Variants in SRGAP2C observed in about 807,000 individuals in gnomAD.
SRGAP2C encodes SLIT-ROBO Rho GTPase-activating protein 2C.
Under a neutral mutation model 25.1 loss-of-function variants are expected in SRGAP2C, and 15 were observed. That is an observed-to-expected ratio of 0.60 (90% CI 0.40 to 0.92). The LOEUF (loss-of-function observed/expected upper bound fraction) is 0.92. Ranked by LOEUF, SRGAP2C falls within the 40% of genes least tolerant of loss-of-function variation. The pLI, the probability that SRGAP2C is intolerant of heterozygous loss-of-function variation, is 0.00. For missense variants in SRGAP2C, 144 were observed against 264.4 expected (o/e 0.54, Z 3.16); for synonymous variants, 44 against 96.6 (o/e 0.46, Z 3.19).
intron 2 of SRGAP2C, among the ~76,000 whole-genome samples, chr1:121,196,908 G>A (rs1370262906): frequency 6.7e-6 from 1 of 149,778 alleles, no homozygotes; most frequent in African/African-American, 2.5e-5. Flanking sequence ...TCTTGACACT[G>A]TATCTTGCAC....
At chr1:121,266,197 A>T (rs1226037958) in intron 2 of SRGAP2C, among the ~76,000 whole-genome samples, 2 of 149,356 alleles carry the variant, frequency 1.3e-5, no homozygotes, top group Non-Finnish European at 3.0e-5. Context: ...CTGGTCTGGA[A>T]CTCCTGACTT....
chr1:121,224,126 C>A (rs1655607451), intron 2 of SRGAP2C, among the ~76,000 whole-genome samples: 1 of 149,670 alleles, frequency 6.7e-6, no homozygotes, highest in Non-Finnish European at 1.5e-5. Flanking sequence ...CGTGCATCAT[C>A]TCACTGGTGA....
intron 2 of SRGAP2C, among the ~76,000 whole-genome samples, chr1:121,265,732 T>TG (rs1365180830): frequency 6.6e-6 from 1 of 151,052 alleles, no homozygotes; most frequent in Non-Finnish European, 1.5e-5. Context: ...CTTGTAGCTA[T>TG]GGAATGCCTT....
At chr1:121,206,194 C>A (rs1255366844) in intron 2 of SRGAP2C, among the ~76,000 whole-genome samples, 1 of 151,924 alleles carries the variant, frequency 6.6e-6, no homozygotes, top group Non-Finnish European at 1.5e-5. Flanking sequence ...ACCCTCACCC[C>A]CACCCCCATG....
chr1:121,190,107 C>T (rs1234253591), intron 2 of SRGAP2C, among the ~76,000 whole-genome samples: 4 of 152,132 alleles, frequency 2.6e-5, no homozygotes, highest in African/African-American at 9.7e-5. Flanking sequence ...CTCTATGGAA[C>T]AGCACAGAAT....
chr1:121,335,945 T>C (rs1359402300), intron 4 of SRGAP2C, among the ~76,000 whole-genome samples: 1 of 151,994 alleles, frequency 6.6e-6, no homozygotes, highest in Non-Finnish European at 1.5e-5. Flanking sequence ...TAGGAGGCTA[T>C]TAAATTACTG....
intron 2 of SRGAP2C, among the ~76,000 whole-genome samples, chr1:121,236,647 C>A (rs1471270391): frequency 6.6e-6 from 1 of 152,040 alleles, no homozygotes; most frequent in African/African-American, 2.4e-5. Context: ...TCTAAAGAAT[C>A]CAGTTCAGGA....
intron 2 of SRGAP2C, among the ~76,000 whole-genome samples, chr1:121,208,137 C>A (rs1381296814): frequency 6.6e-6 from 1 of 152,156 alleles, no homozygotes; most frequent in Non-Finnish European, 1.5e-5. Context: ...AATTACATAA[C>A]CCAAACAAAT....
rs587653845 is a variant in SRGAP2C at position 121,238,265 on chromosome 1, G to A, written c.68-46538G>A. Among the ~76,000 whole-genome samples the A allele has an allele frequency of 1.9e-3, 292 of 151,588 alleles. 1 individual carries two copies. Among genetic ancestry groups the A allele is most frequent in the Non-Finnish European group, 3.8e-3 (258 of 67,942 alleles). Reference sequence around the variant, plus strand: ...CTTCCAAAGAAAAGAAAGGAAGAGTGTTGTGTAAAATCTTGCTTCCTTGCC... The same window carrying A: ...CTTCCAAAGAAAAGAAAGGAAGAGTATTGTGTAAAATCTTGCTTCCTTGCC... On this transcript the variant is annotated intron_variant, in intron 2 of 9. Transcript: ENST00000367123.
At chr1:121,363,748 A>G (rs1400566365) in intron 4 of SRGAP2C, among the ~76,000 whole-genome samples, 1 of 152,124 alleles carries the variant, frequency 6.6e-6, no homozygotes, top group Admixed American at 6.6e-5. Context: ...TAGAACAATA[A>G]TACATGTGGA....
chr1:121,375,802 C>G (rs1369065471), intron 7 of SRGAP2C, among the ~76,000 whole-genome samples: 1 of 151,740 alleles, frequency 6.6e-6, no homozygotes. Flanking sequence ...ATTGCTGTCT[C>G]CAGTTGCTAG....
rs1225426949 is a variant in SRGAP2C, at chr1:121,366,247, A to G, written c.486+892A>G. 6.1e-5 allele frequency among the ~76,000 whole-genome samples: 9 copies of G among 148,532 alleles called. No homozygotes were observed. In the Admixed American group the frequency reaches 6.1e-4, roughly 10 times the overall value. ...AAGGTGATACTGATTTCTGATGTTTACTTGCTTATTTGCTGCGTTTTTTCT... is the reference window on the plus strand; with the variant it reads ...AAGGTGATACTGATTTCTGATGTTTGCTTGCTTATTTGCTGCGTTTTTTCT... On this transcript the variant is annotated intron_variant, in intron 5 of 9. Coordinates refer to ENST00000367123, the MANE Select transcript of SRGAP2C (RefSeq NM_001329984.2).
intron 4 of SRGAP2C, among the ~76,000 whole-genome samples, chr1:121,350,137 C>A (rs1658865457): frequency 6.6e-6 from 1 of 151,706 alleles, no homozygotes; most frequent in Non-Finnish European, 1.5e-5. Context: ...GGCCCAGAGG[C>A]CCAGGATGGG....
At chr1:121,219,145 G>A (rs1273404053) in intron 2 of SRGAP2C, among the ~76,000 whole-genome samples, 9 of 150,048 alleles carry the variant, frequency 6.0e-5, no homozygotes, top group African/African-American at 2.3e-4. Flanking sequence ...AAAATAACAA[G>A]TATACCTAGC....
intron 2 of SRGAP2C, among the ~76,000 whole-genome samples, chr1:121,267,249 A>G (rs1296054293): frequency 6.6e-6 from 1 of 150,976 alleles, no homozygotes; most frequent in African/African-American, 2.5e-5. Context: ...GCTGGAGTGC[A>G]GCGGTGTGAT....
Position 121,346,969 on chromosome 1 carries a change from G to GAA in SRGAP2C, c.424-18324_424-18323insAA, listed in dbSNP as rs1658761167. 2.0e-5 allele frequency among the ~76,000 whole-genome samples: 3 copies of GAA among 152,108 alleles called. No individual in the cohort carries two copies. The South Asian group carries it at 6.2e-4, about 32-fold the overall frequency. The stretch of plus-strand genomic sequence containing the variant: ...CATAATACTCACACTTCAAATGTTT[G>GAA]GCTTGGTGTCCACAAATCAACTCAG... On this transcript the variant is annotated intron_variant, in intron 4 of 9. Transcript: ENST00000367123.
rs1553357544 is a variant in SRGAP2C at position 121,390,829 on chromosome 1, C to T, written c.*2974C>T. Reference sequence around the variant, plus strand: ...CCTGAGGCGGGTGGGTCTCTTGAGGCCAGGAGTTCAAGACCAGCCTGGACA... The same window carrying T: ...CCTGAGGCGGGTGGGTCTCTTGAGGTCAGGAGTTCAAGACCAGCCTGGACA... On this transcript the variant is annotated 3_prime_UTR_variant, in exon 10 of 10. Transcript: ENST00000367123. 1 of 150,552 alleles carries T rather than the reference C, an allele frequency of 6.6e-6. No homozygotes were observed. Among genetic ancestry groups the T allele is most frequent in the South Asian group, 2.1e-4 (1 of 4,766 alleles). The allele number at this position is 150,552 out of a possible 1,614,324, so 9.3% of individuals were successfully genotyped here.
chr1:121,331,165 A>C (rs1254472866), intron 4 of SRGAP2C, among the ~76,000 whole-genome samples: 1 of 134,944 alleles, frequency 7.4e-6, no homozygotes, highest in Non-Finnish European at 1.5e-5. Context: ...AAAAAAAAAA[A>C]AAAAAAAAGA....
chr1:121,258,028 G>T (rs1285169744), intron 2 of SRGAP2C, among the ~76,000 whole-genome samples: 1 of 151,652 alleles, frequency 6.6e-6, no homozygotes, highest in Non-Finnish European at 1.5e-5. Flanking sequence ...AAAATTGCCT[G>T]GGTTGAAAAG....
Sources: allele counts gnomAD v4.1 joint callset (sites outside exome capture counted in the v4.1 genomes callset), GRCh38; gene constraint gnomAD v4.1.1; transcripts MANE v1.5; gene names NCBI Gene and HGNC (gene_info 2026-07-23, HGNC 2026-07-21).